The following RNASE10 variants were observed in gnomAD, a reference collection of about 807,000 sequenced individuals.
The protein encoded by RNASE10 is inactive ribonuclease-like protein 10.
In RNASE10, 2 loss-of-function variants were observed where a neutral mutation model predicts 1.1. The ratio of observed to expected loss-of-function variants is 1.82; its 90% CI spans 0.74 to 5.73. The LOEUF (loss-of-function observed/expected upper bound fraction) is 5.73. Ranked by LOEUF, RNASE10 falls within the 30% of genes most tolerant of loss-of-function variation. The pLI is 0.05. For synonymous variants in RNASE10, 97 were observed against 96.2 expected, an observed-to-expected ratio of 1.01 and a Z score of -0.05; for missense variants, 276 against 263.4, an observed-to-expected ratio of 1.05 and a Z score of -0.33.
chr14:20,506,650 A>C (rs529333258), intron 1 of RNASE10, among the ~76,000 whole-genome samples: 21,331 of 47,160 alleles, frequency 0.45, 2,921 homozygotes, highest in African/African-American at 0.54. Context: ...CCAGCCGCCC[A>C]GTCCAGGAGG....
At chr14:20,504,490 A>G (rs1882638153), upstream of RNASE10, among the ~76,000 whole-genome samples, 3 of 151,902 alleles carry the variant, frequency 2.0e-5, 1 homozygote, top group Admixed American at 2.0e-4. Context: ...GATCGAGACC[A>G]TTCTGGCTAA....
downstream of RNASE10, among the ~76,000 whole-genome samples, chr14:20,511,962 G>C (rs1011018314): frequency 1.3e-5 from 2 of 151,998 alleles, no homozygotes; most frequent in Non-Finnish European, 2.9e-5. Context: ...TGGTCCTATA[G>C]TCAGTCATGC....
At chr14:20,512,808 G>A (rs1882929929), downstream of RNASE10, among the ~76,000 whole-genome samples, 1 of 152,178 alleles carries the variant, frequency 6.6e-6, no homozygotes, top group Admixed American at 6.5e-5. Flanking sequence ...TGATGACCCA[G>A]CCAAGGCAGA....
intron 1 of RNASE10, among the ~76,000 whole-genome samples, chr14:20,507,478 G>C (rs1026715435): frequency 3.7e-5 from 5 of 136,356 alleles, no homozygotes; most frequent in African/African-American, 1.4e-4. Flanking sequence ...AAACACTGCG[G>C]AAGGCTGCAG....
intron 1 of RNASE10, among the ~76,000 whole-genome samples, chr14:20,509,573 G>A (rs762815033): frequency 1.3e-5 from 2 of 152,216 alleles, no homozygotes; most frequent in Non-Finnish European, 2.9e-5. Context: ...CTCAGCTTAG[G>A]AGTAAGAATG....
chr14:20,506,685 C>T (rs1204450745), intron 1 of RNASE10, among the ~76,000 whole-genome samples: 6 of 108,758 alleles, frequency 5.5e-5, no homozygotes, highest in East Asian at 2.7e-4. Context: ...GCCCCCCGCC[C>T]GGCCAGCCGC....
upstream of RNASE10, among the ~76,000 whole-genome samples, chr14:20,504,604 C>A (rs993914660): frequency 6.5e-5 from 9 of 139,376 alleles, no homozygotes; most frequent in Admixed American, 2.4e-4. Context: ...AGGAGAATGG[C>A]GTGAACCTGG....
chr14:20,509,978 G>A (rs1235204708), intron 1 of RNASE10, among the ~76,000 whole-genome samples: 1 of 151,150 alleles, frequency 6.6e-6, no homozygotes, highest in Admixed American at 6.6e-5. Flanking sequence ...AAAGAGCTGG[G>A]CATGGTAGTG....
chr14:20,511,052 C>G, exon 2 of RNASE10: 1 of 1,531,316 alleles, frequency 6.5e-7, no homozygotes. Flanking sequence ...AATTACCTAA[C>G]TTCTGTTATA....
At chr14:20,504,687 CAAAAAA>C (rs71112507), upstream of RNASE10, among the ~76,000 whole-genome samples, 674 of 44,558 alleles carry the variant, frequency 0.015, 17 homozygotes, top group Middle Eastern at 0.098. Context: ...GACTCCGTCT[CAAAAAA>C]AAAAAAAAAA....
At chr14:20,506,251 G>A (rs7146176) in intron 1 of RNASE10, among the ~76,000 whole-genome samples, 400 of 115,998 alleles carry the variant, frequency 3.4e-3, no homozygotes, top group Middle Eastern at 0.022. Context: ...CTGCCCGGCC[G>A]CCCCTACTGG....
chr14:20,504,402 C>A (rs375548980), upstream of RNASE10, among the ~76,000 whole-genome samples: 3 of 152,130 alleles, frequency 2.0e-5, no homozygotes, highest in African/African-American at 7.2e-5. Flanking sequence ...AGTCCTCTCT[C>A]TTTTTTAAAA....
Position 20,507,010 on chromosome 14 carries a change from C to G in RNASE10, c.79+991C>G, listed in dbSNP as rs1363794665. On this transcript the variant is annotated intron_variant, in intron 1 of 1. Coordinates refer to ENST00000430083, the Ensembl canonical transcript of RNASE10. ...AGGTGGTGGGGGTCAGCCCCCCGCC[C>G]GGCCAGCCGCCCTGTCCGGGAGGTG... Among the ~76,000 whole-genome samples the G allele has an allele frequency of 2.7e-5, 4 of 148,394 alleles. No homozygotes were observed. The South Asian group carries it at 8.5e-4, about 32-fold the overall frequency.
chr14:20,513,114 C>T (rs1289421676), downstream of RNASE10, among the ~76,000 whole-genome samples: 2 of 152,198 alleles, frequency 1.3e-5, no homozygotes, highest in African/African-American at 4.8e-5. Context: ...CGTCCAGCTT[C>T]TCTCCCTAAG....
intron 1 of RNASE10, among the ~76,000 whole-genome samples, chr14:20,509,460 T>C (rs182054472): frequency 2.0e-5 from 3 of 152,382 alleles, no homozygotes; most frequent in East Asian, 3.8e-4. Context: ...TCAGCAAGAC[T>C]ACTCAGATGT....
At chr14:20,506,624 T>C (rs1882730507) in intron 1 of RNASE10, among the ~76,000 whole-genome samples, 1 of 86,094 alleles carries the variant, frequency 1.2e-5, no homozygotes, top group African/African-American at 5.8e-5. Flanking sequence ...GGTGGGGGGA[T>C]CAGCCCCCCG....
upstream of RNASE10, among the ~76,000 whole-genome samples, chr14:20,504,688 A>AAAAAAAAAAAC: frequency 1.6e-5 from 1 of 62,504 alleles, no homozygotes; most frequent in Admixed American, 1.6e-4. Context: ...ACTCCGTCTC[A>AAAAAAAAAAAC]AAAAAAAAAA....
chr14:20,509,942 G>A (rs980421903), intron 1 of RNASE10, among the ~76,000 whole-genome samples: 12 of 120,524 alleles, frequency 1.0e-4, no homozygotes, highest in Non-Finnish European at 1.8e-4. Flanking sequence ...GCAACATAGC[G>A]AGACTCGTCT....
exon 2 of RNASE10, chr14:20,510,621 G>A: frequency 1.2e-6 from 2 of 1,614,170 alleles, no homozygotes; most frequent in Non-Finnish European, 1.7e-6. Flanking sequence ...GTGACTCACA[G>A]GACAAAGCTG....
Sources: gnomAD v4.1 joint callset for allele counts (sites outside exome capture counted in the v4.1 genomes callset) on GRCh38, gnomAD v4.1.1 for gene constraint, MANE v1.5 for transcripts, NCBI Gene and HGNC (gene_info 2026-07-23, HGNC 2026-07-21) for gene names.